Variants in CTBP2 observed in about 807,000 individuals in gnomAD.
The protein encoded by CTBP2 is C-terminal-binding protein 2.
In CTBP2, 30 loss-of-function variants were observed where a neutral mutation model predicts 80.3. The observed-to-expected ratio is 0.37, with a 90% CI of 0.28 to 0.51. The LOEUF (loss-of-function observed/expected upper bound fraction) is 0.51. Ranked by LOEUF, CTBP2 falls within the 20% of genes least tolerant of loss-of-function variation. The pLI is 0.93. For missense variants in CTBP2, 1,212 were observed against 1,375.3 expected, an observed-to-expected ratio of 0.88 and a Z score of 1.88; for synonymous variants, 594 against 587.4, an observed-to-expected ratio of 1.01 and a Z score of -0.16.
chr10:125,100,409 C>T (rs549424399), intron 2 of CTBP2, among the ~76,000 whole-genome samples: 1 of 152,194 alleles, frequency 6.6e-6, no homozygotes, highest in Non-Finnish European at 1.5e-5. Context: ...TTCCACTGTT[C>T]CGCTCATTTC....
chr10:125,083,090 G>A (rs1215324279), intron 2 of CTBP2, among the ~76,000 whole-genome samples: 1 of 152,200 alleles, frequency 6.6e-6, no homozygotes, highest in Non-Finnish European at 1.5e-5. Context: ...AGTACTGGGA[G>A]GGGATGGTTA....
chr10:125,098,369 T>C (rs972240368), intron 2 of CTBP2, among the ~76,000 whole-genome samples: 1 of 152,080 alleles, frequency 6.6e-6, no homozygotes, highest in Non-Finnish European at 1.5e-5. Flanking sequence ...GACACCCACA[T>C]ACACTAGCCC....
intron 2 of CTBP2, among the ~76,000 whole-genome samples, chr10:125,069,478 C>T (rs988238532): frequency 1.3e-5 from 2 of 152,088 alleles, no homozygotes; most frequent in African/African-American, 4.8e-5. Flanking sequence ...ATTAGCTGGG[C>T]GTTGTGGTGC....
chr10:125,018,372 A>G (rs553701385), intron 1 of CTBP2, among the ~76,000 whole-genome samples: 30 of 152,274 alleles, frequency 2.0e-4, no homozygotes, highest in African/African-American at 6.5e-4. Flanking sequence ...TAATACAAAA[A>G]TTAACCAGGT....
chr10:125,087,548 G>A (rs1848179762), intron 2 of CTBP2, among the ~76,000 whole-genome samples: 1 of 152,062 alleles, frequency 6.6e-6, no homozygotes, highest in East Asian at 1.9e-4. Context: ...AAAGAGCCTG[G>A]GCCTGCTCCT....
chr10:125,064,444 T>A (rs1160766407), intron 2 of CTBP2, among the ~76,000 whole-genome samples: 1 of 152,158 alleles, frequency 6.6e-6, no homozygotes, highest in Non-Finnish European at 1.5e-5. Flanking sequence ...AACAGCGTTC[T>A]TGGTGAGGAC....
chr10:125,118,235 G>A lies in CTBP2; in HGVS notation c.-205-7142C>T, dbSNP rs141783841. On this transcript the variant is annotated intron_variant, in intron 1 of 10. Transcript: ENST00000337195. ...AGCTTTTCTAGATGACAGGGCCAACGGACTTGAGACGAGCTGGGTGACAAG... is the reference window on the plus strand; with the variant it reads ...AGCTTTTCTAGATGACAGGGCCAACAGACTTGAGACGAGCTGGGTGACAAG... Among the ~76,000 whole-genome samples, 93 of 152,276 alleles carry A rather than the reference G, an allele frequency of 6.1e-4. No individual in the cohort carries two copies. The East Asian group carries it at 8.9e-3, about 15-fold the overall frequency.
intron 2 of CTBP2, among the ~76,000 whole-genome samples, chr10:125,077,624 G>C (rs538054920): frequency 3.1e-4 from 47 of 152,124 alleles, no homozygotes; most frequent in Non-Finnish European, 5.7e-4. Context: ...CTGGGCTTGG[G>C]ATTACCAACA....
chr10:125,157,521 C>T (rs1861142797), intron 1 of CTBP2, among the ~76,000 whole-genome samples: 1 of 152,092 alleles, frequency 6.6e-6, no homozygotes, highest in Non-Finnish European at 1.5e-5. Context: ...TTTTAATTCC[C>T]TCTAATAACT....
intron 2 of CTBP2, among the ~76,000 whole-genome samples, chr10:125,050,442 C>T (rs781487738): frequency 1.2e-4 from 19 of 152,186 alleles, no homozygotes; most frequent in East Asian, 7.7e-4. Flanking sequence ...ACGGTTTTCA[C>T]GTGGAAGACG....
At chr10:125,069,224 C>G (rs992485176) in intron 2 of CTBP2, among the ~76,000 whole-genome samples, 1 of 152,244 alleles carries the variant, frequency 6.6e-6, no homozygotes, top group Non-Finnish European at 1.5e-5. Context: ...GACAACACTA[C>G]AAATTGCGTT....
At chr10:125,136,202 CG>C (rs1856952312) in intron 1 of CTBP2, among the ~76,000 whole-genome samples, 1 of 152,174 alleles carries the variant, frequency 6.6e-6, no homozygotes, top group African/African-American at 2.4e-5. Flanking sequence ...AGGCAGGGGG[CG>C]GCCTCCTAGG....
At chr10:124,999,631 C>T (rs12782469) in intron 3 of CTBP2, 30,170 of 152,218 alleles carry the variant, frequency 0.2, 3,731 homozygotes, top group Middle Eastern at 0.39. Flanking sequence ...CTCTGGGCCA[C>T]CGACCCCTGC....
chr10:125,007,899 A>G (rs1955440369), intron 1 of CTBP2, among the ~76,000 whole-genome samples: 1 of 152,056 alleles, frequency 6.6e-6, no homozygotes, highest in South Asian at 2.1e-4. Flanking sequence ...CCCCAAAGCA[A>G]AGCAGCTGCA....
intron 1 of CTBP2, among the ~76,000 whole-genome samples, chr10:125,022,237 A>T (rs1334200481): frequency 1.3e-5 from 2 of 152,202 alleles, no homozygotes; most frequent in Non-Finnish European, 2.9e-5. Context: ...TTCCAAGCAT[A>T]GGAGTGGCCA....
chr10:125,033,972 A>G (rs565066232), intron 3 of CTBP2, among the ~76,000 whole-genome samples: 2 of 152,284 alleles, frequency 1.3e-5, no homozygotes, highest in South Asian at 4.1e-4. Flanking sequence ...GAAGACGGTG[A>G]TGAACCCCCA....
upstream of CTBP2, among the ~76,000 whole-genome samples, chr10:125,028,941 T>A (rs553007190): frequency 1.7e-4 from 26 of 152,302 alleles, 2 homozygotes; most frequent in South Asian, 4.6e-3. Flanking sequence ...CCCGAAGTAT[T>A]AAGACATTTC....
At chr10:125,104,090 T>C (rs1236856076) in intron 2 of CTBP2, among the ~76,000 whole-genome samples, 1 of 152,146 alleles carries the variant, frequency 6.6e-6, no homozygotes, top group Non-Finnish European at 1.5e-5. Context: ...CAATTCTCGT[T>C]TTCCACAAAT....
chr10:125,011,879 G>T (rs762331181), intron 1 of CTBP2, among the ~76,000 whole-genome samples: 2 of 152,228 alleles, frequency 1.3e-5, no homozygotes, highest in African/African-American at 2.4e-5. Context: ...CCCAGACACC[G>T]TCCTGTTGGC....
Sources: allele counts gnomAD v4.1 joint callset (sites outside exome capture counted in the v4.1 genomes callset), GRCh38; gene constraint gnomAD v4.1.1; transcripts MANE v1.5; gene names NCBI Gene and HGNC (gene_info 2026-07-23, HGNC 2026-07-21).